Variants in PDE4B observed in about 807,000 individuals in gnomAD.
The protein encoded by PDE4B is phosphodiesterase 4B.
Under a neutral mutation model 82.2 loss-of-function variants are expected in PDE4B, and 20 were observed. The ratio of observed to expected loss-of-function variants is 0.24; its 90% CI spans 0.17 to 0.35. The LOEUF (loss-of-function observed/expected upper bound fraction) is 0.35. Among genes scored for constraint, PDE4B ranks in the 10% least tolerant of loss-of-function variants. The pLI is 1.00. For missense variants in PDE4B, 655 were observed against 907.2 expected (o/e 0.72, Z 3.57); for synonymous variants, 320 against 318.9 (o/e 1.00, Z -0.04).
chr1:65,792,681 G>A (rs1645584895), upstream of PDE4B: 1 of 152,126 alleles, frequency 6.6e-6, no homozygotes, highest in South Asian at 2.1e-4. Flanking sequence ...GAGGCCAGAC[G>A]ACTGGGGACG....
chr1:66,241,120 C>G (rs755656894), intron 3 of PDE4B, among the ~76,000 whole-genome samples: 1 of 152,240 alleles, frequency 6.6e-6, no homozygotes, highest in Non-Finnish European at 1.5e-5. Flanking sequence ...CATCAGAGTT[C>G]GTCTTCCTAG....
At chr1:66,280,269 G>A (rs899232976) in intron 7 of PDE4B, among the ~76,000 whole-genome samples, 15 of 152,194 alleles carry the variant, frequency 9.9e-5, no homozygotes, top group South Asian at 2.1e-4. Flanking sequence ...TTGACAGTGC[G>A]CAAGTAGTGG....
At chr1:65,944,176 G>A (rs923566815) in intron 3 of PDE4B, among the ~76,000 whole-genome samples, 5 of 151,646 alleles carry the variant, frequency 3.3e-5, no homozygotes, top group African/African-American at 1.2e-4. Context: ...TACCTAATTT[G>A]TTTAGTTGAT....
intron 1 of PDE4B, among the ~76,000 whole-genome samples, chr1:65,893,346 A>G (rs546304374): frequency 6.6e-6 from 1 of 152,264 alleles, no homozygotes; most frequent in South Asian, 2.1e-4. Context: ...AAGAAGACTG[A>G]CTTACAAACA....
intron 7 of PDE4B, among the ~76,000 whole-genome samples, chr1:66,290,936 A>T (rs1428253275): frequency 6.6e-6 from 1 of 152,160 alleles, no homozygotes; most frequent in African/African-American, 2.4e-5. Context: ...ATTCTGGAAG[A>T]GGTCCAAACT....
chr1:66,264,171 A>C (rs1654875009), intron 6 of PDE4B, among the ~76,000 whole-genome samples: 1 of 152,252 alleles, frequency 6.6e-6, no homozygotes. Context: ...AGAGCCAGTC[A>C]GTGGTCTGAG....
At chr1:66,307,737 T>C (rs565555636) in intron 7 of PDE4B, among the ~76,000 whole-genome samples, 1 of 152,254 alleles carries the variant, frequency 6.6e-6, no homozygotes, top group East Asian at 1.9e-4. Context: ...ATATGAACAA[T>C]GGGAGATTTC....
intron 3 of PDE4B, among the ~76,000 whole-genome samples, chr1:65,920,420 A>G (rs1647215759): frequency 6.6e-6 from 1 of 152,214 alleles, no homozygotes; most frequent in Non-Finnish European, 1.5e-5. Flanking sequence ...CACCCTGGGT[A>G]AAATGTACAG....
At chr1:65,860,797 G>A (rs1646445696) in intron 1 of PDE4B, among the ~76,000 whole-genome samples, 1 of 152,166 alleles carries the variant, frequency 6.6e-6, no homozygotes, top group Non-Finnish European at 1.5e-5. Context: ...CTAATGACCA[G>A]TGAAGATAAG....
intron 3 of PDE4B, among the ~76,000 whole-genome samples, chr1:66,149,548 T>C (rs1646349389): frequency 6.6e-6 from 1 of 152,188 alleles, no homozygotes; most frequent in South Asian, 2.1e-4. Flanking sequence ...GAGAATTTAC[T>C]CCTGTGCTTT....
At chr1:65,806,095 C>A (rs1054266182) in intron 1 of PDE4B, among the ~76,000 whole-genome samples, 1 of 152,070 alleles carries the variant, frequency 6.6e-6, no homozygotes, top group Admixed American at 6.6e-5. Context: ...CAACATGCAC[C>A]TTTAATCGAT....
At chr1:66,036,204 C>T (rs1313363963) in intron 3 of PDE4B, among the ~76,000 whole-genome samples, 6 of 152,024 alleles carry the variant, frequency 3.9e-5, no homozygotes, top group Admixed American at 3.9e-4. Flanking sequence ...GTTTGAGTTC[C>T]CTGCATATTT....
intron 3 of PDE4B, among the ~76,000 whole-genome samples, chr1:66,085,740 A>G (rs1023347351): frequency 2.0e-5 from 3 of 152,102 alleles, no homozygotes; most frequent in Non-Finnish European, 4.4e-5. Flanking sequence ...TTCTGAATAC[A>G]TTATAACTGC....
chr1:66,139,514 T>C (rs1331252753), intron 3 of PDE4B, among the ~76,000 whole-genome samples: 1 of 152,138 alleles, frequency 6.6e-6, no homozygotes, highest in Non-Finnish European at 1.5e-5. Flanking sequence ...TGGGATTAGA[T>C]TGGGCCCATC....
At chr1:66,170,028 A>G (rs1455636787) in intron 3 of PDE4B, among the ~76,000 whole-genome samples, 2 of 152,238 alleles carry the variant, frequency 1.3e-5, no homozygotes, top group African/African-American at 2.4e-5. Flanking sequence ...ATCAGAAAGA[A>G]AAATAAAAGG....
intron 3 of PDE4B, among the ~76,000 whole-genome samples, chr1:66,222,477 T>A (rs1266235013): frequency 6.6e-6 from 1 of 152,246 alleles, no homozygotes; most frequent in Non-Finnish European, 1.5e-5. Context: ...CTTTCTACTA[T>A]CTTCCTGAGG....
intron 8 of PDE4B, among the ~76,000 whole-genome samples, chr1:66,346,619 A>G (rs867636094): frequency 2.6e-5 from 4 of 152,156 alleles, no homozygotes; most frequent in South Asian, 4.1e-4. Context: ...CACATAATCT[A>G]TGTGACATAG....
chr1:65,969,899 C>G (rs1650041806), intron 3 of PDE4B, among the ~76,000 whole-genome samples: 1 of 151,966 alleles, frequency 6.6e-6, no homozygotes, highest in Non-Finnish European at 1.5e-5. Flanking sequence ...ATTTTCCATT[C>G]TAATAACAAT....
intron 7 of PDE4B, among the ~76,000 whole-genome samples, chr1:66,328,174 C>G (rs1441482874): frequency 6.6e-6 from 1 of 152,320 alleles, no homozygotes; most frequent in South Asian, 2.1e-4. Context: ...TCCTGTTTCT[C>G]AGAGTCAAAT....
Sources: gnomAD v4.1 joint callset for allele counts (sites outside exome capture counted in the v4.1 genomes callset) on GRCh38, gnomAD v4.1.1 for gene constraint, MANE v1.5 for transcripts, NCBI Gene and HGNC (gene_info 2026-07-23, HGNC 2026-07-21) for gene names.